Variants in PPFIBP1 observed in about 807,000 individuals in gnomAD.
PPFIBP1 encodes PPFIB scaffold protein 1.
A neutral mutation model predicts 137.8 loss-of-function variants in PPFIBP1; 112 were observed. That is an observed-to-expected ratio of 0.81 (90% confidence interval 0.70 to 0.95). The LOEUF is 0.95. PPFIBP1 is among the 40% of genes least tolerant of loss of function. The pLI is 0.00. For synonymous variants in PPFIBP1, 378 were observed against 417.3 expected, an observed-to-expected ratio of 0.91 and a Z score of 1.15; for missense variants, 1,083 against 1,196.6, an observed-to-expected ratio of 0.91 and a Z score of 1.40.
intron 2 of PPFIBP1, among the ~76,000 whole-genome samples, chr12:27,588,763 G>A (rs1169748401): frequency 6.6e-6 from 1 of 152,150 alleles, no homozygotes; most frequent in African/African-American, 2.4e-5. Flanking sequence ...AAGCTGTGAT[G>A]TTTACCATAC....
chr12:27,569,310 A>G (rs2049947120), intron 1 of PPFIBP1, among the ~76,000 whole-genome samples: 1 of 152,214 alleles, frequency 6.6e-6, no homozygotes, highest in African/African-American at 2.4e-5. Context: ...TTGCACTGAT[A>G]TATTAAATAC....
At chr12:27,533,103 C>G (rs1246707338) in intron 1 of PPFIBP1, among the ~76,000 whole-genome samples, 1 of 152,132 alleles carries the variant, frequency 6.6e-6, no homozygotes, top group East Asian at 1.9e-4. Context: ...TGGGCTCAAG[C>G]AATCCTTCTG....
intron 1 of PPFIBP1, among the ~76,000 whole-genome samples, chr12:27,574,718 G>T (rs1352903544): frequency 6.6e-6 from 1 of 152,158 alleles, no homozygotes; most frequent in Non-Finnish European, 1.5e-5. Flanking sequence ...GTAGCATAAA[G>T]ATTAAGAAAT....
chr12:27,571,118 T>C (rs1299506709), intron 1 of PPFIBP1, among the ~76,000 whole-genome samples: 3 of 152,130 alleles, frequency 2.0e-5, no homozygotes. Context: ...GCAGATCCTT[T>C]AGTATATTAT....
intron 2 of PPFIBP1, among the ~76,000 whole-genome samples, chr12:27,603,823 A>G (rs1293069488): frequency 6.6e-6 from 1 of 152,228 alleles, no homozygotes; most frequent in Non-Finnish European, 1.5e-5. Flanking sequence ...CTGGATGTTC[A>G]GAGCCAACAG....
Position 27,617,499 on chromosome 12 carries a change from T to C in PPFIBP1, c.-35-15863T>C, listed in dbSNP as rs374854656. Among the ~76,000 whole-genome samples, 8 of 152,310 alleles carry C rather than the reference T, an allele frequency of 5.3e-5. No individual in the cohort carries two copies. The South Asian group carries it at 1.2e-3, about 24-fold the overall frequency. ...TTTGTGAATAAAGTACAATTGTCCC[T>C]TGGTATCCATGGAGGATTGGTTCTA... On this transcript the variant is annotated intron_variant, in intron 2 of 29. Transcript: ENST00000228425.
intron 7 of PPFIBP1, 158 bp from the exon 8 acceptor site, chr12:27,654,564 C>G (rs376754096): frequency 1.1e-5 from 10 of 911,606 alleles, no homozygotes; most frequent in African/African-American, 1.7e-5. Context: ...TGCCTTCGTT[C>G]TTAAGGAGGT....
Position 27,695,284 on chromosome 12 carries a change from T to C in PPFIBP1, c.*2402T>C, listed in dbSNP as rs997275474. The stretch of plus-strand genomic sequence containing the variant: ...GGTACCTGCCACCACGCCTGGCTAA[T>C]TTTGTTTTTGTATTTTTAGTAGAGA... On this transcript the variant is annotated 3_prime_UTR_variant, in exon 30 of 30. Coordinates refer to ENST00000228425, the MANE Select transcript of PPFIBP1 (RefSeq NM_003622.4). 6.6e-6 allele frequency: 1 copy of C among 152,060 alleles called. No individual in the cohort carries two copies. Among genetic ancestry groups the C allele is most frequent in the African/African-American group, 2.4e-5 (1 of 41,416 alleles). The allele number at this position is 152,060 out of a possible 1,614,324, so 9.4% of individuals were successfully genotyped here. A position where few individuals can be genotyped will look rare whatever the true frequency, so the allele number is the denominator to read the frequency against.
chr12:27,570,970 A>C (rs994374495), intron 1 of PPFIBP1, among the ~76,000 whole-genome samples: 6 of 152,194 alleles, frequency 3.9e-5, no homozygotes, highest in African/African-American at 1.2e-4. Context: ...CTCTCCTTTC[A>C]TCTCCCCTCC....
intron 1 of PPFIBP1, among the ~76,000 whole-genome samples, chr12:27,524,908 A>T (rs995515726): frequency 2.6e-5 from 4 of 152,134 alleles, no homozygotes; most frequent in African/African-American, 2.4e-5. Flanking sequence ...GTGTTTATTA[A>T]TTATGAGCTT....
intron 26 of PPFIBP1, 142 bp from the exon 27 acceptor site, chr12:27,688,873 C>T: frequency 1.4e-6 from 1 of 722,890 alleles, no homozygotes; most frequent in Non-Finnish European, 2.2e-6. Context: ...AGATCAAAGT[C>T]CATATTGTGT....
chr12:27,581,050 A>C (rs1482102566), intron 2 of PPFIBP1, among the ~76,000 whole-genome samples: 1 of 152,034 alleles, frequency 6.6e-6, no homozygotes, highest in Non-Finnish European at 1.5e-5. Context: ...GTGTGCCATC[A>C]TGCCCGGCTA....
At chr12:27,551,012 G>A (rs1444136377) in intron 1 of PPFIBP1, among the ~76,000 whole-genome samples, 5 of 143,128 alleles carry the variant, frequency 3.5e-5, no homozygotes, top group Admixed American at 7.0e-5. Context: ...TTTAACAAAC[G>A]TGAAAACTGA....
intron 18 of PPFIBP1, 73 bp from the exon 19 acceptor site, chr12:27,676,991 A>G (rs1444003851): frequency 2.5e-6 from 4 of 1,606,152 alleles, no homozygotes; most frequent in Non-Finnish European, 3.4e-6. Context: ...TCTGATCTGC[A>G]TTTCATTTTG....
chr12:27,647,600 AG>A (rs1467099717), intron 5 of PPFIBP1, 128 bp from the exon 6 acceptor site: 2 of 578,752 alleles, frequency 3.5e-6, no homozygotes, highest in East Asian at 5.8e-5. Flanking sequence ...GGTACTTCTC[AG>A]ATTTTTTTTT....
At chr12:27,529,265 A>T (rs767391942) in intron 1 of PPFIBP1, among the ~76,000 whole-genome samples, 7 of 152,244 alleles carry the variant, frequency 4.6e-5, no homozygotes, top group Non-Finnish European at 1.0e-4. Flanking sequence ...TAGGGAAATT[A>T]TTCATTTGAC....
At chr12:27,675,270 T>C (rs2060448534) in intron 17 of PPFIBP1, among the ~76,000 whole-genome samples, 1 of 152,194 alleles carries the variant, frequency 6.6e-6, no homozygotes, top group Non-Finnish European at 1.5e-5. Flanking sequence ...AAGCAGCCAG[T>C]GGTGACAGCT....
chr12:27,551,827 CAG>C (rs1946810845), intron 1 of PPFIBP1, among the ~76,000 whole-genome samples: 1 of 152,200 alleles, frequency 6.6e-6, no homozygotes, highest in African/African-American at 2.4e-5. Context: ...TGAAATAAAA[CAG>C]TATGTTTACA....
rs1240851712 is a variant in PPFIBP1, at chr12:27,585,321, CTA to C, written c.-36+7084_-36+7085del. 6.6e-5 allele frequency among the ~76,000 whole-genome samples: 10 copies of C among 152,298 alleles called. No individual in the cohort carries two copies. The South Asian group carries it at 2.1e-3, about 32-fold the overall frequency. ...ATATTCTTTTGTTAACCAGCTTTGTCTATTGTATAAAACTGAGCTTTTCCACT... is the reference window on the plus strand; with the variant it reads ...ATATTCTTTTGTTAACCAGCTTTGTCTTGTATAAAACTGAGCTTTTCCACT... On this transcript the variant is annotated intron_variant, in intron 2 of 29. Coordinates refer to ENST00000228425, the MANE Select transcript of PPFIBP1 (RefSeq NM_003622.4).
Sources: allele counts gnomAD v4.1 joint callset (sites outside exome capture counted in the v4.1 genomes callset), GRCh38; gene constraint gnomAD v4.1.1; transcripts MANE v1.5; gene names NCBI Gene and HGNC (gene_info 2026-07-23, HGNC 2026-07-21).